The following PGM1 variants were observed in gnomAD, a reference collection of about 807,000 sequenced individuals.
PGM1 encodes phosphoglucomutase 1.
PGM1 carries 52 observed loss-of-function variants against 55.6 expected under a neutral mutation model. The ratio of observed to expected loss-of-function variants is 0.94; its 90% CI spans 0.75 to 1.18. The LOEUF is 1.18. Among genes scored for constraint, PGM1 ranks in the 50% most tolerant of loss-of-function variants. The pLI is 0.00. For synonymous variants in PGM1, 287 were observed against 271.7 expected (o/e 1.06, Z -0.55); for missense variants, 724 against 729.3 (o/e 0.99, Z 0.08).
At position 63,593,527 on chromosome 1, in the gene PGM1, G is replaced by A. The variant is rs1286628767; in HGVS notation, c.39G>A (p.Gln13=). Residue 13 remains glutamine (Q), a synonymous_variant, in exon 1 of 11, where the codon CAG becomes CAA. Transcript: ENST00000371084. ...TGACAGTTAAGACCCAGGCGTACCA[G>A]GACCAGAAGCCGGGCACGAGCGGGC... ...KIVTVKTQAY[Q]DQKPGTSGLR... 6.2e-7 allele frequency: 1 copy of A among 1,613,762 alleles called. No homozygotes were observed. The highest frequency in any genetic ancestry group is 8.5e-7 in the Non-Finnish European group (1 of 1,179,948).
At chr1:63,633,909 TGTGTGTGTG>T (rs2100986241) in intron 4 of PGM1, among the ~76,000 whole-genome samples, 1 of 52,204 alleles carries the variant, frequency 1.9e-5, no homozygotes, top group African/African-American at 1.1e-4. Context: ...TGTGTGTGTG[TGTGTGTGTG>T]TATATATATA....
Position 63,654,316 on chromosome 1 carries a change from T to G in PGM1, c.1465-16T>G, listed in dbSNP as rs765920935. 1 of 1,613,374 alleles carries G rather than the reference T, an allele frequency of 6.2e-7. No individual in the cohort carries two copies. Among genetic ancestry groups the G allele is most frequent in the Non-Finnish European group, 8.5e-7 (1 of 1,179,564 alleles). On this transcript the variant is annotated splice_polypyrimidine_tract_variant and intron_variant, in intron 9 of 10. Coordinates refer to ENST00000371084, the MANE Select transcript of PGM1 (RefSeq NM_002633.3). ...CCCAGCATTTGGGGAAAAAAATCTC[T>G]GCTTATCTTTTCCAGGGCTTGCGCC...
At chr1:63,614,295 A>G (rs1360152802) in intron 1 of PGM1, among the ~76,000 whole-genome samples, 1 of 152,150 alleles carries the variant, frequency 6.6e-6, no homozygotes, top group African/African-American at 2.4e-5. Flanking sequence ...ACTGTGCTCT[A>G]TTCCTCAAGA....
chr1:63,636,347 C>A lies in PGM1; in HGVS notation c.987C>A (p.Arg329=). ...SIPYFQQTGV[R]GFARSMPTSG... is the part of the protein sequence containing the mutation. ...CGTATTTCCAGCAGACTGGGGTCCG[C>A]GGCTTTGCACGGAGCATGCCCACGA... Residue 329 remains arginine (R), a synonymous_variant, in exon 6 of 11, where the codon CGC becomes CGA. Transcript: ENST00000371084. The A allele has an allele frequency of 6.2e-7, 1 of 1,614,116 alleles. No individual in the cohort carries two copies. The highest frequency in any genetic ancestry group is 1.1e-5 in the South Asian group (1 of 91,086).
intron 6 of PGM1, among the ~76,000 whole-genome samples, chr1:63,637,502 A>G (rs1317593139): frequency 2.0e-5 from 3 of 152,212 alleles, no homozygotes; most frequent in African/African-American, 7.2e-5. Flanking sequence ...AGTGGTTTGT[A>G]GTTTGTATAG....
intron 1 of PGM1, chr1:63,623,631 C>T: frequency 6.2e-7 from 1 of 1,612,414 alleles, no homozygotes; most frequent in South Asian, 1.1e-5. Context: ...TGGAGAATTT[C>T]ATCCAGAGTA....
chr1:63,602,581 G>A lies in PGM1; in HGVS notation c.246+8847G>A, dbSNP rs193194009. On this transcript the variant is annotated intron_variant, in intron 1 of 10. Transcript: ENST00000371084. ...GTCCTTCTGACCAAATATTAGTCCT[G>A]TATGTTGTACTCCAATGTGCTCACA... Among the ~76,000 whole-genome samples the A allele has an allele frequency of 4.1e-5, 6 of 147,832 alleles. No individual in the cohort carries two copies. The East Asian group carries it at 1.2e-3, about 30-fold the overall frequency.
At chr1:63,614,649 G>A (rs1193264415) in intron 1 of PGM1, among the ~76,000 whole-genome samples, 1 of 152,124 alleles carries the variant, frequency 6.6e-6, no homozygotes, top group African/African-American at 2.4e-5. Flanking sequence ...TCTAACTTGG[G>A]TTGGCTGAAT....
intron 4 of PGM1, 116 bp from the exon 5 acceptor site, chr1:63,634,710 CTGT>C: frequency 1.3e-6 from 1 of 795,708 alleles, no homozygotes; most frequent in Non-Finnish European, 2.2e-6. Context: ...TCACACATTC[CTGT>C]TGTTTCTCAT....
At chr1:63,601,837 A>G (rs368496303) in intron 1 of PGM1, among the ~76,000 whole-genome samples, 59 of 152,296 alleles carry the variant, frequency 3.9e-4, no homozygotes, top group African/African-American at 1.3e-3. Flanking sequence ...TCTCCAAATC[A>G]CCACTGAGCT....
chr1:63,643,879 TGGGCTTTCC>T, intron 7 of PGM1, among the ~76,000 whole-genome samples: 1 of 152,158 alleles, frequency 6.6e-6, no homozygotes, highest in Non-Finnish European at 1.5e-5. Context: ...GTATGTGGAA[TGGGCTTTCC>T]AGGCAGTGAG....
intron 1 of PGM1, chr1:63,623,709 C>T (rs1237652664): frequency 1.9e-6 from 3 of 1,612,548 alleles, no homozygotes; most frequent in Non-Finnish European, 8.5e-7. Flanking sequence ...ATGGGCGGTA[C>T]TTTAATAAAT....
At chr1:63,658,865 C>T (rs1013981844) in intron 10 of PGM1, among the ~76,000 whole-genome samples, 2 of 152,200 alleles carry the variant, frequency 1.3e-5, no homozygotes, top group South Asian at 2.1e-4. Context: ...TTACACTTCA[C>T]GTGGCTGGGG....
chr1:63,623,416 C>T (rs949761950), intron 1 of PGM1: 2 of 1,588,964 alleles, frequency 1.3e-6, no homozygotes. Context: ...AGTCCCTTGA[C>T]TGCTTTCTGG....
In PGM1 at chr1:63,626,618, GAA is replaced by G. The variant is rs35219366; in HGVS notation, c.247-2798_247-2797del. Among the ~76,000 whole-genome samples the G allele has an allele frequency of 8.4e-4, 127 of 150,490 alleles. 1 individual carries two copies. Among genetic ancestry groups the G allele is most frequent in the Middle Eastern group, 6.8e-3 (2 of 294 alleles). The stretch of plus-strand genomic sequence containing the variant: ...CTGGCAGTCACATGAGAAAAAAAAA[GAA>G]AAAAAAAATTATCCTATATATGTCC... On this transcript the variant is annotated intron_variant, in intron 1 of 10. Coordinates refer to ENST00000371084, the MANE Select transcript of PGM1 (RefSeq NM_002633.3).
chr1:63,613,259 C>T (rs202203118), intron 1 of PGM1, among the ~76,000 whole-genome samples: 31 of 107,828 alleles, frequency 2.9e-4, no homozygotes, highest in Admixed American at 4.1e-4. Context: ...GTTGGCTTAT[C>T]TTTTTTTTTT....
At chr1:63,652,856 C>T (rs1649845744) in intron 9 of PGM1, among the ~76,000 whole-genome samples, 1 of 152,088 alleles carries the variant, frequency 6.6e-6, no homozygotes, top group Non-Finnish European at 1.5e-5. Context: ...CATCCTTGTG[C>T]CTGTTTGCCA....
In PGM1 at chr1:63,643,590, A is replaced by C. The variant is rs138584459; in HGVS notation, c.1144+4790A>C. On this transcript the variant is annotated intron_variant, in intron 7 of 10. Transcript: ENST00000371084. Reference sequence around the variant, plus strand: ...TTCTGAGGAGCTCACCTTCCTTTCCAAGTGAAGTTGTTTGTGCAGTGGAAG... The same window carrying C: ...TTCTGAGGAGCTCACCTTCCTTTCCCAGTGAAGTTGTTTGTGCAGTGGAAG... Among the ~76,000 whole-genome samples, 358 of 152,266 alleles carry C rather than the reference A, an allele frequency of 2.4e-3. 1 individual carries two copies. Among genetic ancestry groups the C allele is most frequent in the African/African-American group, 8.2e-3 (339 of 41,560 alleles).
chr1:63,648,422 T>C (rs1283168184), intron 7 of PGM1, 95 bp from the exon 8 acceptor site: 1 of 1,367,922 alleles, frequency 7.3e-7, no homozygotes, highest in Non-Finnish European at 1.0e-6. Flanking sequence ...CAACATGAGA[T>C]TTGGGTGGGG....
Sources: gnomAD v4.1 joint callset for allele counts (sites outside exome capture counted in the v4.1 genomes callset) on GRCh38, gnomAD v4.1.1 for gene constraint, MANE v1.5 for transcripts, NCBI Gene and HGNC (gene_info 2026-07-23, HGNC 2026-07-21) for gene names.